ZNF536: variants seen among roughly 807,000 people sequenced by gnomAD.
ZNF536 encodes the protein zinc finger protein 536.
Under a neutral mutation model 84.5 loss-of-function variants are expected in ZNF536, and 13 were observed. That is an observed-to-expected ratio of 0.15 (90% CI 0.10 to 0.24). The LOEUF is 0.24. Ranked by LOEUF, ZNF536 falls within the 10% of genes least tolerant of loss-of-function variation. ZNF536 has a pLI of 1.00. For synonymous variants in ZNF536, 811 were observed against 742.5 expected, an observed-to-expected ratio of 1.09 and a Z score of -1.50; for missense variants, 1,536 against 1,747.5, an observed-to-expected ratio of 0.88 and a Z score of 2.16.
At chr19:30,370,502 T>G (rs1291410946), upstream of ZNF536, among the ~76,000 whole-genome samples, 1 of 152,182 alleles carries the variant, frequency 6.6e-6, no homozygotes. Context: ...GGCGGAACAC[T>G]ATTTGAGGAA....
intron 1 of ZNF536, among the ~76,000 whole-genome samples, chr19:30,436,832 A>C (rs781395584): frequency 6.6e-6 from 1 of 152,176 alleles, no homozygotes; most frequent in Non-Finnish European, 1.5e-5. Flanking sequence ...AGTGCATGTT[A>C]TGAGAAGATT....
intron 1 of ZNF536, among the ~76,000 whole-genome samples, chr19:30,699,265 A>C (rs577725550): frequency 6.6e-6 from 1 of 152,176 alleles, no homozygotes; most frequent in South Asian, 2.1e-4. Flanking sequence ...CCACTTCTAG[A>C]CCCTCTCAGC....
At chr19:30,399,277 G>A (rs1056301375) in intron 1 of ZNF536, among the ~76,000 whole-genome samples, 8 of 150,994 alleles carry the variant, frequency 5.3e-5, no homozygotes, top group Non-Finnish European at 1.0e-4. Flanking sequence ...TTTTTTTCTT[G>A]TAATTTTGTT....
downstream of ZNF536, among the ~76,000 whole-genome samples, chr19:30,560,589 C>A (rs184252772): frequency 2.0e-5 from 3 of 152,178 alleles, no homozygotes; most frequent in East Asian, 1.9e-4. Flanking sequence ...ACCACCCCCC[C>A]GCCCCATTGT....
At chr19:30,259,815 C>T (rs1027933344) in intron 1 of ZNF536, among the ~76,000 whole-genome samples, 13 of 151,990 alleles carry the variant, frequency 8.6e-5, no homozygotes, top group African/African-American at 1.7e-4. Flanking sequence ...TGCAGTGGTG[C>T]GATCTTGGCT....
chr19:30,667,062 A>G (rs1298761374), intron 1 of ZNF536, among the ~76,000 whole-genome samples: 1 of 151,950 alleles, frequency 6.6e-6, no homozygotes, highest in Middle Eastern at 3.2e-3. Context: ...TGCCCTACCC[A>G]ATTTTCCCAG....
At chr19:30,670,565 G>C (rs1260283703) in intron 1 of ZNF536, among the ~76,000 whole-genome samples, 1 of 152,226 alleles carries the variant, frequency 6.6e-6, no homozygotes, top group Non-Finnish European at 1.5e-5. Flanking sequence ...TGGACACTGA[G>C]CTCCCCCGCA....
chr19:30,588,986 G>T (rs2047188177), intron 1 of ZNF536, among the ~76,000 whole-genome samples: 1 of 152,336 alleles, frequency 6.6e-6, no homozygotes, highest in East Asian at 1.9e-4. Flanking sequence ...GTGGCCAAAA[G>T]AATAGAGCTA....
At chr19:30,378,770 G>A (rs1460937551) in intron 1 of ZNF536, among the ~76,000 whole-genome samples, 1 of 152,216 alleles carries the variant, frequency 6.6e-6, no homozygotes, top group Non-Finnish European at 1.5e-5. Flanking sequence ...GGAAAGAAAA[G>A]CATGAAACCT....
intron 1 of ZNF536, among the ~76,000 whole-genome samples, chr19:30,410,800 T>C (rs1327607830): frequency 1.3e-5 from 2 of 150,914 alleles, no homozygotes; most frequent in African/African-American, 4.9e-5. Flanking sequence ...TTTTAAAATC[T>C]CTCACCTTCA....
chr19:30,368,014 G>A (rs747568173), upstream of ZNF536, among the ~76,000 whole-genome samples: 6 of 152,114 alleles, frequency 3.9e-5, no homozygotes, highest in African/African-American at 7.2e-5. Flanking sequence ...GGTTCTGGTC[G>A]TCTGAACTTC....
intron 1 of ZNF536, among the ~76,000 whole-genome samples, chr19:30,396,419 G>A (rs2049817922): frequency 6.6e-6 from 1 of 152,048 alleles, no homozygotes; most frequent in African/African-American, 2.4e-5. Flanking sequence ...TTTGCTTTTG[G>A]CAATTTCTTT....
At chr19:30,458,383 C>A (rs1363269355) in intron 2 of ZNF536, among the ~76,000 whole-genome samples, 1 of 150,916 alleles carries the variant, frequency 6.6e-6, no homozygotes, top group East Asian at 1.9e-4. Flanking sequence ...AAGGGTCTTA[C>A]CTGCTGTTCC....
chr19:30,279,530 T>C (rs1030765145), intron 1 of ZNF536, among the ~76,000 whole-genome samples: 1 of 152,184 alleles, frequency 6.6e-6, no homozygotes, highest in Non-Finnish European at 1.5e-5. Flanking sequence ...GGAGAAAACT[T>C]CCAGATCCGG....
chr19:30,575,836 G>A (rs923776880), intron 1 of ZNF536, among the ~76,000 whole-genome samples: 2 of 152,170 alleles, frequency 1.3e-5, no homozygotes, highest in African/African-American at 4.8e-5. Flanking sequence ...CTTGGGTGAG[G>A]CCCTGAGGAC....
chr19:30,554,250 A>C (rs987351845), intron 4 of ZNF536: 11 of 123,028 alleles, frequency 8.9e-5, no homozygotes, highest in African/African-American at 3.3e-4. Context: ...GAGAATACCT[A>C]CTTTTTTTTT....
chr19:30,446,897 G>A (rs908928510), intron 2 of ZNF536, among the ~76,000 whole-genome samples: 3 of 151,996 alleles, frequency 2.0e-5, no homozygotes, highest in Non-Finnish European at 1.5e-5. Context: ...CAGGTAAGGC[G>A]TTGCCTTCAT....
chr19:30,247,192 C>T (rs1032144446), intron 1 of ZNF536, among the ~76,000 whole-genome samples: 1 of 152,202 alleles, frequency 6.6e-6, no homozygotes, highest in Admixed American at 6.5e-5. Context: ...TCAAGGGCAC[C>T]CCCGGTGTGC....
chr19:30,563,242 C>T (rs905183189), intron 1 of ZNF536, among the ~76,000 whole-genome samples: 55 of 152,126 alleles, frequency 3.6e-4, no homozygotes, highest in African/African-American at 1.3e-3. Flanking sequence ...TGGAAGGTCT[C>T]TTTCTGGATG....
Sources: gnomAD v4.1 joint callset for allele counts (sites outside exome capture counted in the v4.1 genomes callset) on GRCh38, gnomAD v4.1.1 for gene constraint, MANE v1.5 for transcripts, NCBI Gene and HGNC (gene_info 2026-07-23, HGNC 2026-07-21) for gene names.